The following GRIK2 variants were observed in gnomAD, a reference collection of about 807,000 sequenced individuals.
GRIK2 encodes glutamate ionotropic receptor kainate type subunit 2.
In GRIK2, 32 loss-of-function variants were observed where a neutral mutation model predicts 100.3. The ratio of observed to expected loss-of-function variants is 0.32; its 90% CI spans 0.24 to 0.43. The LOEUF is 0.43. GRIK2 is among the 20% of genes least tolerant of loss of function. The pLI is 1.00. For missense variants in GRIK2, 843 were observed against 1,114.9 expected (o/e 0.76, Z 3.47); for synonymous variants, 417 against 389.4 (o/e 1.07, Z -0.83).
chr6:102,000,956 TTC>T (rs1464561269), intron 14 of GRIK2, among the ~76,000 whole-genome samples: 1 of 152,118 alleles, frequency 6.6e-6, no homozygotes, highest in Non-Finnish European at 1.5e-5. Context: ...CTTTTTCTAA[TTC>T]TTTTTTTTCT....
intron 2 of GRIK2, among the ~76,000 whole-genome samples, chr6:101,547,695 A>C (rs2128291111): frequency 6.6e-6 from 1 of 152,232 alleles, no homozygotes; most frequent in African/African-American, 2.4e-5. Context: ...TATATGTGCC[A>C]CATTTTCTTA....
chr6:101,718,823 A>T (rs2128363605), intron 7 of GRIK2, among the ~76,000 whole-genome samples: 1 of 152,052 alleles, frequency 6.6e-6, no homozygotes, highest in East Asian at 1.9e-4. Context: ...TGTGATCCTC[A>T]ACCAAGCAAG....
chr6:101,822,552 C>G (rs891592010), intron 10 of GRIK2, among the ~76,000 whole-genome samples: 1 of 152,082 alleles, frequency 6.6e-6, no homozygotes, highest in African/African-American at 2.4e-5. Context: ...ATCTGCTTCT[C>G]AGCTGCTTCC....
chr6:101,621,879 A>G (rs1780180934), intron 2 of GRIK2, 70 bp from the exon 3 acceptor site: 1 of 1,074,962 alleles, frequency 9.3e-7, no homozygotes, highest in South Asian at 1.3e-5. Flanking sequence ...AACTTCTGAT[A>G]TTTTCTTTAT....
intron 10 of GRIK2, among the ~76,000 whole-genome samples, chr6:101,840,215 C>A (rs757038444): frequency 6.6e-6 from 1 of 152,086 alleles, no homozygotes; most frequent in African/African-American, 2.4e-5. Context: ...ATAAAATGTC[C>A]TTTGAGTCTG....
Position 101,444,069 on chromosome 6 carries a change from T to TTTTG in GRIK2, c.115+44705_115+44708dup, listed in dbSNP as rs374486097. Among the ~76,000 whole-genome samples the TTTTG allele has an allele frequency of 8.2e-3, 1,194 of 145,440 alleles. 12 individuals are homozygous for TTTTG. Among genetic ancestry groups the TTTTG allele is most frequent in the African/African-American group, 0.024 (948 of 40,262 alleles). On this transcript the variant is annotated intron_variant, in intron 2 of 16. Transcript: ENST00000369134. ...CCAGCCCAGCTGATTTTCCGGGTTTTTTTGTTTGTTTGTTTGTTTGTTTGT... is the reference window on the plus strand; with the variant it reads ...CCAGCCCAGCTGATTTTCCGGGTTTTTTTGTTTGTTTGTTTGTTTGTTTGTTTGT...
At chr6:101,760,716 T>TTATATTTAATATATAATTA (rs1562364873) in intron 7 of GRIK2, among the ~76,000 whole-genome samples, 17 of 103,716 alleles carry the variant, frequency 1.6e-4, no homozygotes, top group African/African-American at 7.9e-4. Flanking sequence ...ATATATTTAA[T>TTATATTTAATATATAATTA]TATATTTAAT....
At chr6:101,831,031 T>G (rs907894868) in intron 10 of GRIK2, among the ~76,000 whole-genome samples, 1 of 152,116 alleles carries the variant, frequency 6.6e-6, no homozygotes, top group Non-Finnish European at 1.5e-5. Flanking sequence ...CATTCTTGGT[T>G]GACAGGGTCA....
At chr6:101,800,791 C>T (rs1043063936) in intron 8 of GRIK2, among the ~76,000 whole-genome samples, 37 of 152,188 alleles carry the variant, frequency 2.4e-4, no homozygotes, top group African/African-American at 8.7e-4. Context: ...ACACAGTCCA[C>T]AGGTCTGGCG....
intron 14 of GRIK2, among the ~76,000 whole-genome samples, chr6:101,987,591 C>G (rs1234229673): frequency 6.6e-6 from 1 of 150,638 alleles, no homozygotes; most frequent in African/African-American, 2.4e-5. Context: ...CTATTAAACA[C>G]TATTAGCTTC....
intron 12 of GRIK2, among the ~76,000 whole-genome samples, chr6:101,919,757 G>A (rs1486996132): frequency 6.6e-6 from 1 of 151,648 alleles, no homozygotes; most frequent in Non-Finnish European, 1.5e-5. Flanking sequence ...TCAAAGGGAA[G>A]GCATCATTCA....
chr6:101,700,213 A>G (rs1392320154), intron 7 of GRIK2, among the ~76,000 whole-genome samples: 2 of 151,884 alleles, frequency 1.3e-5, no homozygotes, highest in Non-Finnish European at 2.9e-5. Context: ...ATCTTTTCAC[A>G]TAGAACTAAA....
At chr6:102,063,275 T>A (rs1473585973) in intron 16 of GRIK2, among the ~76,000 whole-genome samples, 1 of 150,588 alleles carries the variant, frequency 6.6e-6, no homozygotes, top group Non-Finnish European at 1.5e-5. Flanking sequence ...ATCATTTAGT[T>A]ATTTTATACT....
intron 2 of GRIK2, among the ~76,000 whole-genome samples, chr6:101,417,573 A>T (rs568459156): frequency 6.0e-4 from 92 of 152,326 alleles, no homozygotes; most frequent in African/African-American, 2.1e-3. Flanking sequence ...CTTTGCCTGC[A>T]CACAGATATA....
At chr6:101,723,052 G>C (rs184226932) in intron 7 of GRIK2, among the ~76,000 whole-genome samples, 24 of 152,070 alleles carry the variant, frequency 1.6e-4, no homozygotes, top group Middle Eastern at 6.8e-3. Flanking sequence ...GCCTGGAGTA[G>C]GTGAGACAGA....
intron 2 of GRIK2, among the ~76,000 whole-genome samples, chr6:101,487,234 C>A (rs1282804466): frequency 1.4e-5 from 2 of 146,480 alleles, no homozygotes; most frequent in African/African-American, 2.6e-5. Flanking sequence ...TATGAGATTA[C>A]AATATCCCAG....
intron 10 of GRIK2, among the ~76,000 whole-genome samples, chr6:101,859,057 C>G (rs1784596547): frequency 6.6e-6 from 1 of 151,716 alleles, no homozygotes. Flanking sequence ...GTTATATAGT[C>G]ATGGTGGGAT....
intron 2 of GRIK2, among the ~76,000 whole-genome samples, chr6:101,481,800 C>T (rs763809474): frequency 3.3e-5 from 5 of 152,080 alleles, no homozygotes; most frequent in Admixed American, 1.3e-4. Context: ...TTGCAATCCC[C>T]GTAATCCCCA....
intron 2 of GRIK2, among the ~76,000 whole-genome samples, chr6:101,619,294 T>C (rs138648269): frequency 6.3e-4 from 95 of 151,868 alleles, no homozygotes; most frequent in African/African-American, 1.7e-3. Flanking sequence ...AATTTTAAAC[T>C]CTGGCTTGGA....
Sources: gnomAD v4.1 joint callset for allele counts (sites outside exome capture counted in the v4.1 genomes callset) on GRCh38, gnomAD v4.1.1 for gene constraint, MANE v1.5 for transcripts, NCBI Gene and HGNC (gene_info 2026-07-23, HGNC 2026-07-21) for gene names.